SNX24: variants seen among roughly 807,000 people sequenced by gnomAD.
SNX24 encodes sorting nexin-24.
SNX24 carries 22 observed loss-of-function variants against 28.7 expected under a neutral mutation model. The observed-to-expected ratio is 0.77, with a 90% CI of 0.55 to 1.10. The LOEUF is 1.10. Ranked by LOEUF, SNX24 falls within the 50% of genes least tolerant of loss-of-function variation. The probability of loss-of-function intolerance (pLI) is 0.00; values close to 1 mark genes in which losing one functional copy is unlikely to be tolerated. For missense variants in SNX24, 221 were observed against 201.1 expected, an observed-to-expected ratio of 1.10 and a Z score of -0.60; for synonymous variants, 69 against 71.5, an observed-to-expected ratio of 0.96 and a Z score of 0.18.
chr5:122,845,676 C>A lies in SNX24; in HGVS notation c.43C>A (p.Leu15Met), dbSNP rs761488376. 7.0e-7 allele frequency: 1 copy of A among 1,423,936 alleles called. No homozygotes were observed. The highest frequency in any genetic ancestry group is 1.6e-5 in the South Asian group (1 of 60,744). 88.2% of individuals were successfully genotyped at this position (1,423,936 alleles called of 1,614,324 possible). ...IPSFRYEESDLERGYTVFKIE... is the reference protein window; with the variant it reads ...IPSFRYEESDMERGYTVFKIE... ...GTCCTTTCGCTATGAAGAGAGCGAC[C>A]TGGAGCGGGGATACACGGTAGGCGC... The change falls in exon 1 of 7, where the codon CTG (leucine) becomes ATG (methionine). Residue 15 changes from leucine to methionine, a missense_variant. Physicochemically the swap from Leu to Met is conservative, Grantham distance 15. Coordinates refer to ENST00000261369, the MANE Select transcript of SNX24 (RefSeq NM_014035.4).
At chr5:122,936,678 TCAGA>T in intron 1 of SNX24, 52 bp from the exon 2 acceptor site, 3 of 1,018,054 alleles carry the variant, frequency 2.9e-6, no homozygotes, top group Non-Finnish European at 4.6e-6. Context: ...ACTTACCACA[TCAGA>T]CAATTGAGGG....
rs572533311 is a variant in SNX24, at chr5:122,845,713, G to A, written c.60+20G>A. ...TACACGGTAGGCGCGGGCCGCGGGC[G>A]GACAGGGCCCCGCGAGCCAGGCCTG... On this transcript the variant is annotated intron_variant, in intron 1 of 6. Transcript: ENST00000261369. 20 of 1,351,818 alleles carry A rather than the reference G, an allele frequency of 1.5e-5. No individual in the cohort carries two copies. The South Asian group carries it at 2.7e-4, about 18-fold the overall frequency. The allele number at this position is 1,351,818 out of a possible 1,614,324, so 83.7% of individuals were successfully genotyped here.
chr5:123,013,065 C>T (rs1296691472), downstream of SNX24, among the ~76,000 whole-genome samples: 6 of 152,162 alleles, frequency 3.9e-5, no homozygotes, highest in Non-Finnish European at 5.9e-5. Flanking sequence ...CTGTTCAACT[C>T]TTGGGGGTGT....
chr5:122,933,311 A>T (rs564495356), intron 1 of SNX24, among the ~76,000 whole-genome samples: 1 of 151,962 alleles, frequency 6.6e-6, no homozygotes, highest in African/African-American at 2.4e-5. Context: ...AGCCCTCCTC[A>T]CTCCTTGGGT....
In SNX24 at chr5:122,889,637, A is replaced by G. The variant is rs1581709650; in HGVS notation, c.60+43944A>G. 2.7e-5 allele frequency among the ~76,000 whole-genome samples: 4 copies of G among 147,698 alleles called. No individual in the cohort carries two copies. The Admixed American group carries it at 2.7e-4, about 10-fold the overall frequency. The stretch of plus-strand genomic sequence containing the variant: ...CATATATATATACACATATATATAT[A>G]TACACATACATATGTATATATATGT... On this transcript the variant is annotated intron_variant, in intron 1 of 6. Coordinates refer to ENST00000261369, the MANE Select transcript of SNX24 (RefSeq NM_014035.4).
chr5:122,959,194 G>C (rs1238486666), intron 3 of SNX24, among the ~76,000 whole-genome samples: 2 of 151,288 alleles, frequency 1.3e-5, no homozygotes, highest in Non-Finnish European at 2.9e-5. Flanking sequence ...AGATTTTCTA[G>C]TTCTTCATGG....
At chr5:122,942,456 C>G (rs902315229) in intron 2 of SNX24, among the ~76,000 whole-genome samples, 1 of 152,178 alleles carries the variant, frequency 6.6e-6, no homozygotes, top group Non-Finnish European at 1.5e-5. Context: ...CCAAGTGTTT[C>G]CCGCTTCTTT....
intron 1 of SNX24, among the ~76,000 whole-genome samples, chr5:122,900,432 T>C (rs889600782): frequency 5.3e-5 from 8 of 152,094 alleles, no homozygotes; most frequent in African/African-American, 1.2e-4. Flanking sequence ...AAATTCAAAT[T>C]TTCATTCTAT....
At chr5:123,027,457 TA>T (rs1028654232) in intron 5 of SNX24, among the ~76,000 whole-genome samples, 3 of 152,164 alleles carry the variant, frequency 2.0e-5, no homozygotes, top group Admixed American at 6.5e-5. Flanking sequence ...GCACCATTCC[TA>T]TGGCAGGAAG....
chr5:123,002,123 A>G (rs753908677), intron 6 of SNX24, 119 bp downstream of exon 6: 14 of 799,762 alleles, frequency 1.8e-5, no homozygotes, highest in Admixed American at 1.4e-4. Context: ...TAATCTGCCA[A>G]TAAACCAGTG....
intron 3 of SNX24, among the ~76,000 whole-genome samples, chr5:122,981,911 A>G (rs1761412041): frequency 6.6e-6 from 1 of 152,238 alleles, no homozygotes; most frequent in African/African-American, 2.4e-5. Context: ...CTTGGAATAT[A>G]GACCACCTTG....
intron 1 of SNX24, among the ~76,000 whole-genome samples, chr5:122,900,426 T>G (rs1314754614): frequency 6.6e-6 from 1 of 152,142 alleles, no homozygotes; most frequent in African/African-American, 2.4e-5. Flanking sequence ...GAAATTAAAT[T>G]CAAATTTTCA....
At chr5:122,849,868 A>T (rs1754815908) in intron 1 of SNX24, among the ~76,000 whole-genome samples, 1 of 152,186 alleles carries the variant, frequency 6.6e-6, no homozygotes, top group African/African-American at 2.4e-5. Context: ...GAGTGATGTA[A>T]TCTTCATAGG....
intron 3 of SNX24, among the ~76,000 whole-genome samples, chr5:122,994,433 C>A (rs939799994): frequency 6.6e-6 from 1 of 152,090 alleles, no homozygotes; most frequent in Non-Finnish European, 1.5e-5. Flanking sequence ...AGAACAAGTC[C>A]CTCTGTAATT....
At chr5:122,891,005 T>C in intron 1 of SNX24, 1 of 1,447,318 alleles carries the variant, frequency 6.9e-7, no homozygotes, top group African/African-American at 1.4e-5. Flanking sequence ...ACCCAAAGCC[T>C]CTTTTCTGTC....
chr5:122,893,054 C>T (rs1431229454), intron 1 of SNX24, among the ~76,000 whole-genome samples: 2 of 152,280 alleles, frequency 1.3e-5, no homozygotes, highest in East Asian at 1.9e-4. Flanking sequence ...GCATGAGCCG[C>T]TGCACTCGGC....
intron 3 of SNX24, among the ~76,000 whole-genome samples, chr5:122,964,352 C>T (rs1306628229): frequency 6.6e-6 from 1 of 151,392 alleles, no homozygotes; most frequent in African/African-American, 2.4e-5. Flanking sequence ...GTGGTTGTCA[C>T]AGCTGAGGAT....
chr5:122,985,536 C>T (rs999932904), intron 3 of SNX24, among the ~76,000 whole-genome samples: 3 of 152,130 alleles, frequency 2.0e-5, no homozygotes, highest in Non-Finnish European at 4.4e-5. Context: ...GAGGATTAAG[C>T]GACCCATTAT....
chr5:122,910,474 AATT>A (rs1757831837), intron 1 of SNX24, among the ~76,000 whole-genome samples: 1 of 151,736 alleles, frequency 6.6e-6, no homozygotes, highest in East Asian at 1.9e-4. Context: ...TTTGTTTTTT[AATT>A]ATTATTATAC....
Sources: gnomAD v4.1 joint callset for allele counts (sites outside exome capture counted in the v4.1 genomes callset) on GRCh38, gnomAD v4.1.1 for gene constraint, MANE v1.5 for transcripts, NCBI Gene and HGNC (gene_info 2026-07-23, HGNC 2026-07-21) for gene names.